SUPT3H: variants seen among roughly 807,000 people sequenced by gnomAD.
SUPT3H encodes SPT3 homolog, SAGA and STAGA complex component, also known as transcription initiation protein SPT3 homolog.
In SUPT3H, 44 loss-of-function variants were observed where a neutral mutation model predicts 44.3. The ratio of observed to expected loss-of-function variants is 0.99; its 90% confidence interval spans 0.78 to 1.28. SUPT3H has a LOEUF of 1.28. SUPT3H is among the 50% of genes most tolerant of loss of function. The pLI, the probability that SUPT3H is intolerant of heterozygous loss-of-function variation, is 0.00. For missense variants in SUPT3H, 380 were observed against 387.1 expected (o/e 0.98, Z 0.15); for synonymous variants, 124 against 125.6 (o/e 0.99, Z 0.09).
rs183018983 is a variant in SUPT3H, at chr6:45,192,147, T to C, written c.102-86141A>G. ...TCCCTTCAATTTAGATTTCTAGGAG[T>C]TGGTATTCCCAGTATACTTCTAATA... is the stretch of plus-strand genomic sequence containing the variant. On this transcript the variant is annotated intron_variant, in intron 2 of 10. Coordinates refer to ENST00000371459, the MANE Select transcript of SUPT3H (RefSeq NM_003599.4). 1.1e-3 allele frequency among the ~76,000 whole-genome samples: 168 copies of C among 152,198 alleles called. 1 individual carries two copies. Among genetic ancestry groups the C allele is most frequent in the African/African-American group, 3.9e-3 (164 of 41,552 alleles).
chr6:45,025,882 C>CAA (rs11299141), intron 3 of SUPT3H, among the ~76,000 whole-genome samples: 2 of 127,930 alleles, frequency 1.6e-5, no homozygotes. Flanking sequence ...GACTCCGTCT[C>CAA]AAAAAAAAAA....
At chr6:44,856,758 C>T (rs1773802238) in intron 10 of SUPT3H, among the ~76,000 whole-genome samples, 1 of 152,148 alleles carries the variant, frequency 6.6e-6, no homozygotes, top group Non-Finnish European at 1.5e-5. Flanking sequence ...AACATGGTAA[C>T]ACATGAACAC....
intron 3 of SUPT3H, among the ~76,000 whole-genome samples, chr6:45,078,246 G>T (rs980164681): frequency 6.6e-6 from 1 of 151,922 alleles, no homozygotes; most frequent in Non-Finnish European, 1.5e-5. Flanking sequence ...TCTCTTTTTT[G>T]TTTGTATATC....
At chr6:45,263,140 C>A (rs1774664972) in intron 2 of SUPT3H, among the ~76,000 whole-genome samples, 1 of 152,074 alleles carries the variant, frequency 6.6e-6, no homozygotes, top group Non-Finnish European at 1.5e-5. Flanking sequence ...TGGATATATA[C>A]CCAAGGGAAA....
Position 45,099,659 on chromosome 6 carries a change from T to G in SUPT3H, c.186+6263A>C, listed in dbSNP as rs532435761. Among the ~76,000 whole-genome samples the G allele has an allele frequency of 2.1e-3, 325 of 152,328 alleles. 1 individual carries two copies. Among genetic ancestry groups the G allele is most frequent in the African/African-American group, 7.5e-3 (311 of 41,576 alleles). On this transcript the variant is annotated intron_variant, in intron 3 of 10. Coordinates refer to ENST00000371459, the MANE Select transcript of SUPT3H (RefSeq NM_003599.4). ...ATGTACCTGACAAAACTGTAAACTC[T>G]TATTCATCTTTGTATCGCTATAACC...
intron 2 of SUPT3H, among the ~76,000 whole-genome samples, chr6:45,185,534 C>A (rs1814056040): frequency 6.6e-6 from 1 of 152,198 alleles, no homozygotes; most frequent in South Asian, 2.1e-4. Context: ...ACCGCAACAG[C>A]CTGCCATAAC....
At position 45,280,054 on chromosome 6, in the gene SUPT3H, C is replaced by T. The variant is rs73735340; in HGVS notation, c.101+85147G>A. ...CACATCCAATCTCTTAGCAAATTATCTTGACTCTTTTAAATATATCGAGAA... is the reference window on the plus strand; with the variant it reads ...CACATCCAATCTCTTAGCAAATTATTTTGACTCTTTTAAATATATCGAGAA... On this transcript the variant is annotated intron_variant, in intron 2 of 10. Transcript: ENST00000371459. 3.9e-3 allele frequency among the ~76,000 whole-genome samples: 593 copies of T among 152,258 alleles called. 7 individuals are homozygous for T. The highest frequency in any genetic ancestry group is 0.014 in the African/African-American group (565 of 41,556).
chr6:45,045,050 T>C (rs1789159081), intron 3 of SUPT3H, among the ~76,000 whole-genome samples: 1 of 152,172 alleles, frequency 6.6e-6, no homozygotes, highest in African/African-American at 2.4e-5. Flanking sequence ...ATACCCACTA[T>C]GTCACTGAAA....
intron 2 of SUPT3H, among the ~76,000 whole-genome samples, chr6:45,363,010 G>GT (rs1303018357): frequency 1.3e-5 from 2 of 151,694 alleles, no homozygotes; most frequent in African/African-American, 2.4e-5. Context: ...AGGTACATAG[G>GT]TTTTTTATTT....
At chr6:45,143,394 A>G (rs2153591404) in intron 2 of SUPT3H, among the ~76,000 whole-genome samples, 1 of 152,290 alleles carries the variant, frequency 6.6e-6, no homozygotes, top group Middle Eastern at 3.4e-3. Context: ...AATTAACTCC[A>G]AAAGGAACCT....
chr6:45,070,618 G>A (rs1248498223), intron 3 of SUPT3H, among the ~76,000 whole-genome samples: 1 of 151,444 alleles, frequency 6.6e-6, no homozygotes, highest in African/African-American at 2.4e-5. Flanking sequence ...GCACGCGCCT[G>A]TAATCCCAGC....
rs190895087 is a variant in SUPT3H at position 44,845,034 on chromosome 6, G to A, written c.913-15177C>T. ...TACTAGAAATGAAACACAGCACTTA[G>A]TAAGTTTCCAAGTTGTTAGTTTTCT... On this transcript the variant is annotated intron_variant, in intron 10 of 10. Transcript: ENST00000371459. 1.2e-4 allele frequency among the ~76,000 whole-genome samples: 19 copies of A among 152,266 alleles called. No individual in the cohort carries two copies. In the East Asian group the frequency reaches 3.5e-3, roughly 28 times the overall value.
intron 11 of SUPT3H, among the ~76,000 whole-genome samples, chr6:44,816,465 A>G (rs1431635906): frequency 1.3e-5 from 2 of 152,204 alleles, no homozygotes; most frequent in Non-Finnish European, 1.5e-5. Context: ...CTATCTAAGA[A>G]ATAGCCTTAT....
chr6:44,913,706 T>A (rs2098988174), intron 10 of SUPT3H, among the ~76,000 whole-genome samples: 1 of 152,172 alleles, frequency 6.6e-6, no homozygotes. Context: ...AAAAATTAGG[T>A]TGTGTCTATG....
chr6:45,142,764 A>AAAAAAAAAAAAAG (rs1805441110), intron 2 of SUPT3H, among the ~76,000 whole-genome samples: 2 of 127,034 alleles, frequency 1.6e-5, no homozygotes, highest in African/African-American at 2.9e-5. Context: ...AAAAAAAAAA[A>AAAAAAAAAAAAAG]GCAGAATGGC....
chr6:44,928,901 A>AAAAAAAAAAAAAAAAAAAAC (rs1770044749), intron 10 of SUPT3H, among the ~76,000 whole-genome samples: 1 of 84,158 alleles, frequency 1.2e-5, no homozygotes, highest in Non-Finnish European at 2.1e-5. Flanking sequence ...AAAAAAAAAA[A>AAAAAAAAAAAAAAAAAAAAC]AAAGAAAAGA....
intron 1 of SUPT3H, among the ~76,000 whole-genome samples, chr6:45,369,598 T>C (rs1188935399): frequency 1.3e-5 from 2 of 152,074 alleles, no homozygotes. Context: ...TATCCTCCCT[T>C]AATTCCCTCC....
At chr6:45,262,298 T>C (rs1774499281) in intron 2 of SUPT3H, among the ~76,000 whole-genome samples, 1 of 151,522 alleles carries the variant, frequency 6.6e-6, no homozygotes, top group African/African-American at 2.4e-5. Flanking sequence ...AGCATATTAC[T>C]GGCACAAAAA....
intron 2 of SUPT3H, among the ~76,000 whole-genome samples, chr6:45,119,744 T>C (rs1001892417): frequency 6.6e-6 from 1 of 152,112 alleles, no homozygotes; most frequent in Non-Finnish European, 1.5e-5. Flanking sequence ...AACTTAAGAT[T>C]TTCACATGTA....
Sources: gnomAD v4.1 joint callset for allele counts (sites outside exome capture counted in the v4.1 genomes callset) on GRCh38, gnomAD v4.1.1 for gene constraint, MANE v1.5 for transcripts, NCBI Gene and HGNC (gene_info 2026-07-23, HGNC 2026-07-21) for gene names.